The following DPP10 variants were observed in gnomAD, a reference collection of about 807,000 sequenced individuals.
DPP10 encodes dipeptidyl peptidase like 10, also known as inactive dipeptidyl peptidase 10.
A neutral mutation model predicts 120.9 loss-of-function variants in DPP10; 33 were observed. That is an observed-to-expected ratio of 0.27 (90% CI 0.21 to 0.37). The LOEUF (loss-of-function observed/expected upper bound fraction) is 0.37, where lower values mean the gene tolerates loss of function less well. Ranked by LOEUF, DPP10 falls within the 10% of genes least tolerant of loss-of-function variation. DPP10 has a pLI of 1.00. For missense variants in DPP10, 816 were observed against 942.8 expected (o/e 0.87, Z 1.76); for synonymous variants, 337 against 326.1 (o/e 1.03, Z -0.36).
At chr2:114,613,809 TC>T (rs1231530689) in intron 1 of DPP10, among the ~76,000 whole-genome samples, 1 of 152,146 alleles carries the variant, frequency 6.6e-6, no homozygotes, top group Non-Finnish European at 1.5e-5. Context: ...TGAGTTCACA[TC>T]CTTTGCAGGG....
Position 115,769,035 on chromosome 2 carries a change from A to T in DPP10, c.1221+631A>T, listed in dbSNP as rs568894413. Among the ~76,000 whole-genome samples the T allele has an allele frequency of 1.5e-3, 227 of 152,138 alleles. 1 individual carries two copies. The highest frequency in any genetic ancestry group is 3.4e-3 in the Middle Eastern group (1 of 294). ...TGAAGGGTTTATACAGTTTTATTATAAAAAAATTAGTAAATTCAGGTAGTT... is the reference window on the plus strand; with the variant it reads ...TGAAGGGTTTATACAGTTTTATTATTAAAAAATTAGTAAATTCAGGTAGTT... On this transcript the variant is annotated intron_variant, in intron 13 of 25. Coordinates refer to ENST00000410059, the MANE Select transcript of DPP10 (RefSeq NM_020868.6).
chr2:114,571,981 G>A (rs1457218317), intron 1 of DPP10, among the ~76,000 whole-genome samples: 3 of 148,710 alleles, frequency 2.0e-5, no homozygotes, highest in Admixed American at 1.4e-4. Flanking sequence ...TTATGTATAT[G>A]TAGTATATAA....
At chr2:115,233,102 C>A (rs2057821007) in intron 1 of DPP10, among the ~76,000 whole-genome samples, 1 of 130,796 alleles carries the variant, frequency 7.6e-6, no homozygotes, top group Admixed American at 8.1e-5. Flanking sequence ...AAATTAGTGA[C>A]CACCATGTCA....
intron 7 of DPP10, among the ~76,000 whole-genome samples, chr2:115,718,796 G>A (rs986909327): frequency 6.6e-6 from 1 of 151,962 alleles, no homozygotes; most frequent in Admixed American, 6.6e-5. Context: ...TTATGATAAT[G>A]GGCTCGAAGA....
intron 1 of DPP10, among the ~76,000 whole-genome samples, chr2:114,664,395 G>A (rs1201447866): frequency 1.3e-5 from 2 of 151,866 alleles, no homozygotes; most frequent in African/African-American, 4.8e-5. Flanking sequence ...TTGGGAGGCC[G>A]AGGCGGATGG....
intron 8 of DPP10, among the ~76,000 whole-genome samples, chr2:115,729,193 G>A (rs73950506): frequency 0.025 from 3,832 of 152,272 alleles, 175 homozygotes; most frequent in African/African-American, 0.088. Context: ...ATACATTACT[G>A]GAGGGGACTG....
rs368390553 is a variant in DPP10 at position 115,113,780 on chromosome 2, G to A, written c.61-195459G>A. Reference sequence around the variant, plus strand: ...GCTCAAAACTGGAGTTTACAAGAGCGGTGTATTAAGATATCAAGAACTTGT... The same window carrying A: ...GCTCAAAACTGGAGTTTACAAGAGCAGTGTATTAAGATATCAAGAACTTGT... On this transcript the variant is annotated intron_variant, in intron 1 of 25. Transcript: ENST00000410059. 9.9e-5 allele frequency among the ~76,000 whole-genome samples: 15 copies of A among 152,206 alleles called. No homozygotes were observed. The East Asian group carries it at 2.3e-3, about 24-fold the overall frequency.
chr2:114,630,921 C>T (rs1305021303), intron 1 of DPP10, among the ~76,000 whole-genome samples: 1 of 152,032 alleles, frequency 6.6e-6, no homozygotes, highest in Non-Finnish European at 1.5e-5. Context: ...CTATCTGGAA[C>T]ATTTGATATG....
At chr2:115,443,438 C>T (rs972142056) in intron 3 of DPP10, among the ~76,000 whole-genome samples, 3 of 151,876 alleles carry the variant, frequency 2.0e-5, no homozygotes, top group South Asian at 2.1e-4. Flanking sequence ...TTTATTCATT[C>T]GATATTTGAG....
chr2:115,629,385 T>C (rs4325766), intron 5 of DPP10, among the ~76,000 whole-genome samples: 150,090 of 152,026 alleles, frequency 0.99, 74,123 homozygotes, highest in East Asian at 1. Flanking sequence ...CCTGAGGAAT[T>C]GCCACACTGA....
intron 1 of DPP10, among the ~76,000 whole-genome samples, chr2:114,528,036 A>G (rs558093814): frequency 4.7e-4 from 71 of 152,288 alleles, no homozygotes; most frequent in African/African-American, 1.7e-3. Context: ...TGGAGAGTGG[A>G]GTGTCAATGC....
At chr2:115,296,899 C>CT (rs960849237) in intron 1 of DPP10, among the ~76,000 whole-genome samples, 8 of 151,936 alleles carry the variant, frequency 5.3e-5, no homozygotes, top group African/African-American at 1.9e-4. Context: ...TGTGCATGTT[C>CT]TTTAAGAGTT....
intron 1 of DPP10, among the ~76,000 whole-genome samples, chr2:115,253,982 G>A (rs143438750): frequency 0.01 from 1,582 of 152,294 alleles, 28 homozygotes; most frequent in African/African-American, 0.035. Flanking sequence ...CTGCCTGGGC[G>A]GCCAGGCTTT....
chr2:115,342,403 G>A (rs1444491456), intron 2 of DPP10, among the ~76,000 whole-genome samples: 1 of 151,984 alleles, frequency 6.6e-6, no homozygotes, highest in Non-Finnish European at 1.5e-5. Context: ...TGGTTGACAC[G>A]GAGTTTCACC....
intron 1 of DPP10, among the ~76,000 whole-genome samples, chr2:115,296,207 C>A (rs2060877067): frequency 6.6e-6 from 1 of 151,920 alleles, no homozygotes; most frequent in South Asian, 2.1e-4. Context: ...GAAGGAAGTG[C>A]AGTTGGTTAA....
At chr2:115,486,197 A>C (rs1396919964) in intron 3 of DPP10, among the ~76,000 whole-genome samples, 2 of 151,912 alleles carry the variant, frequency 1.3e-5, no homozygotes, top group Non-Finnish European at 2.9e-5. Context: ...GTATGTCAAT[A>C]TGCTGATATT....
intron 1 of DPP10, among the ~76,000 whole-genome samples, chr2:114,630,130 T>C (rs896977198): frequency 1.3e-5 from 2 of 152,188 alleles, no homozygotes; most frequent in Non-Finnish European, 2.9e-5. Flanking sequence ...TGATCGTTTT[T>C]TCTCTCTCTA....
chr2:115,688,363 C>T (rs2091124061), intron 5 of DPP10, among the ~76,000 whole-genome samples: 1 of 152,124 alleles, frequency 6.6e-6, no homozygotes, highest in Non-Finnish European at 1.5e-5. Flanking sequence ...TGTGGCAAAT[C>T]ATATTTAATT....
intron 1 of DPP10, among the ~76,000 whole-genome samples, chr2:114,572,276 A>T (rs1036435414): frequency 6.6e-6 from 1 of 152,202 alleles, no homozygotes; most frequent in Admixed American, 6.5e-5. Flanking sequence ...TTGATCTAAT[A>T]ATATAGAATG....
Sources: gnomAD v4.1 joint callset for allele counts (sites outside exome capture counted in the v4.1 genomes callset) on GRCh38, gnomAD v4.1.1 for gene constraint, MANE v1.5 for transcripts, NCBI Gene and HGNC (gene_info 2026-07-23, HGNC 2026-07-21) for gene names.